INTU: variants seen among roughly 807,000 people sequenced by gnomAD.
The protein encoded by INTU is inturned planar cell polarity protein.
A neutral mutation model predicts 100.5 loss-of-function variants in INTU; 68 were observed. The ratio of observed to expected loss-of-function variants is 0.68; its 90% CI spans 0.56 to 0.83. INTU has a LOEUF of 0.83. Among genes scored for constraint, INTU ranks in the 40% least tolerant of loss-of-function variants. The pLI, the probability that INTU is intolerant of heterozygous loss-of-function variation, is 0.00. For synonymous variants in INTU, 357 were observed against 395.7 expected (o/e 0.90, Z 1.16); for missense variants, 1,071 against 1,114.7 (o/e 0.96, Z 0.56).
intron 1 of INTU, among the ~76,000 whole-genome samples, chr4:127,640,698 A>G (rs981356639): frequency 2.0e-5 from 3 of 150,658 alleles, no homozygotes; most frequent in Non-Finnish European, 4.4e-5. Context: ...CAAATGTCCT[A>G]CATCCTTGAT....
intron 2 of INTU, among the ~76,000 whole-genome samples, chr4:127,648,165 C>CT (rs1345572989): frequency 6.6e-6 from 1 of 152,064 alleles, no homozygotes; most frequent in Non-Finnish European, 1.5e-5. Context: ...CCCTTTTAGC[C>CT]TTTGAAATGG....
rs542674555 is a variant in INTU at position 127,679,381 on chromosome 4, A to G, written c.1182-5028A>G. ...AAGCTCTCCTCAGCAAATGTAAAAG[A>G]ACAGAAATTATAACAAACTGTCTCT... On this transcript the variant is annotated intron_variant, in intron 6 of 15. Coordinates refer to ENST00000335251, the MANE Select transcript of INTU (RefSeq NM_015693.4). Among the ~76,000 whole-genome samples, 32 of 152,270 alleles carry G rather than the reference A, an allele frequency of 2.1e-4. 1 individual carries two copies. The South Asian group carries it at 4.2e-3, about 20-fold the overall frequency.
chr4:127,645,140 A>T (rs1307674116), intron 2 of INTU, among the ~76,000 whole-genome samples: 1 of 152,124 alleles, frequency 6.6e-6, no homozygotes, highest in African/African-American at 2.4e-5. Flanking sequence ...TCTCAACAGG[A>T]TCTGCACACT....
intron 10 of INTU, 62 bp downstream of exon 10, chr4:127,704,352 A>G: frequency 8.7e-7 from 1 of 1,150,824 alleles, no homozygotes; most frequent in Non-Finnish European, 1.3e-6. Context: ...AATTTTCAAA[A>G]CTTTTACAAA....
chr4:127,660,177 G>C (rs1051437402), intron 3 of INTU, among the ~76,000 whole-genome samples: 2 of 152,096 alleles, frequency 1.3e-5, no homozygotes, highest in African/African-American at 4.8e-5. Context: ...TATTGACCGG[G>C]GATGGAGGAG....
At chr4:127,671,925 C>G (rs1426991711) in intron 5 of INTU, among the ~76,000 whole-genome samples, 2 of 152,012 alleles carry the variant, frequency 1.3e-5, no homozygotes, top group South Asian at 2.1e-4. Context: ...ATCACATATT[C>G]TCACTTATAA....
At chr4:127,700,177 G>A in intron 9 of INTU, 114 bp downstream of exon 9, 3 of 827,436 alleles carry the variant, frequency 3.6e-6, no homozygotes, top group Admixed American at 2.7e-5. Flanking sequence ...TACACATTAG[G>A]CCTCTGTTTT....
intron 6 of INTU, among the ~76,000 whole-genome samples, chr4:127,677,848 T>C (rs576486733): frequency 6.6e-6 from 1 of 152,180 alleles, no homozygotes; most frequent in East Asian, 1.9e-4. Context: ...AGTTGAAAAC[T>C]TTGAAAAAAA....
Position 127,711,142 on chromosome 4 carries a change from T to C in INTU, c.2559+40T>C, listed in dbSNP as rs770275622. 4.2e-6 allele frequency: 6 copies of C among 1,414,420 alleles called. No individual in the cohort carries two copies. The African/African-American group carries it at 8.4e-5, about 20-fold the overall frequency. 87.6% of individuals were successfully genotyped at this position (1,414,420 alleles called of 1,614,324 possible). On this transcript the variant is annotated intron_variant, in intron 14 of 15. Transcript: ENST00000335251. ...TAAATACAGTTTTCTGCCAGTTTAA[T>C]TTCCAGATCTCTAAGCATTCTGTTA...
chr4:127,696,514 C>T (rs2148721732), intron 8 of INTU, among the ~76,000 whole-genome samples: 1 of 151,916 alleles, frequency 6.6e-6, no homozygotes, highest in South Asian at 2.1e-4. Context: ...TCCATGGACC[C>T]TGTACTAATG....
intron 2 of INTU, 26 bp from the exon 3 acceptor site, chr4:127,656,610 A>G: frequency 6.6e-7 from 1 of 1,520,198 alleles, no homozygotes; most frequent in Admixed American, 1.7e-5. Context: ...TCATAAAACT[A>G]TCTTTTATTG....
At chr4:127,636,485 A>G (rs6534630) in intron 1 of INTU, among the ~76,000 whole-genome samples, 90,180 of 151,286 alleles carry the variant, frequency 0.6, 27,868 homozygotes, top group African/African-American at 0.76. Flanking sequence ...GGTGGTGTCC[A>G]CCTGTAATTC....
Position 127,656,435 on chromosome 4 carries a change from T to G in INTU, c.683-201T>G, listed in dbSNP as rs75447657. On this transcript the variant is annotated intron_variant, in intron 2 of 15. Coordinates refer to ENST00000335251, the MANE Select transcript of INTU (RefSeq NM_015693.4). ...ATTTATGGTGCAATAATGGGCAGTA[T>G]TATAGATTAAGAAGAGTAAAGTTAG... Among the ~76,000 whole-genome samples the G allele has an allele frequency of 0.045, 6,779 of 152,288 alleles. 208 individuals carry two copies. Among genetic ancestry groups the G allele is most frequent in the Non-Finnish European group, 0.073 (4,973 of 68,012 alleles).
chr4:127,694,619 A>G (rs1730300809), intron 8 of INTU, among the ~76,000 whole-genome samples: 1 of 152,130 alleles, frequency 6.6e-6, no homozygotes, highest in South Asian at 2.1e-4. Context: ...ATTTTCTCCC[A>G]TGTTCTAGGA....
At chr4:127,647,919 C>T (rs1578535597) in intron 2 of INTU, among the ~76,000 whole-genome samples, 1 of 148,210 alleles carries the variant, frequency 6.7e-6, no homozygotes, top group South Asian at 2.2e-4. Context: ...TTTTCATAGC[C>T]CTTGGTGCCT....
chr4:127,656,523 G>C (rs2126193468), intron 2 of INTU, 113 bp from the exon 3 acceptor site: 1 of 701,088 alleles, frequency 1.4e-6, no homozygotes, highest in Non-Finnish European at 2.5e-6. Context: ...GTCTGCACCA[G>C]ATTTCTCACT....
chr4:127,653,443 A>G (rs1728005787), intron 2 of INTU, among the ~76,000 whole-genome samples: 1 of 148,176 alleles, frequency 6.7e-6, no homozygotes, highest in African/African-American at 2.5e-5. Context: ...GTTGGTTTCA[A>G]AGAACATCTT....
intron 1 of INTU, among the ~76,000 whole-genome samples, chr4:127,641,868 A>G (rs1423438312): frequency 1.3e-5 from 2 of 152,200 alleles, no homozygotes; most frequent in African/African-American, 4.8e-5. Flanking sequence ...GTGATTTCAC[A>G]TTCAAACTTT....
intron 8 of INTU, among the ~76,000 whole-genome samples, chr4:127,689,619 T>C (rs1730010878): frequency 6.6e-6 from 1 of 151,802 alleles, no homozygotes; most frequent in Non-Finnish European, 1.5e-5. Flanking sequence ...GAGCTATGAT[T>C]GCACCACTGC....
Sources: gnomAD v4.1 joint callset for allele counts (sites outside exome capture counted in the v4.1 genomes callset) on GRCh38, gnomAD v4.1.1 for gene constraint, MANE v1.5 for transcripts, NCBI Gene and HGNC (gene_info 2026-07-23, HGNC 2026-07-21) for gene names.